SLC12A2: variants seen among roughly 807,000 people sequenced by gnomAD.
SLC12A2 encodes the protein solute carrier family 12 member 2.
Under a neutral mutation model 136.3 loss-of-function variants are expected in SLC12A2, and 67 were observed. The ratio of observed to expected loss-of-function variants is 0.49; its 90% confidence interval spans 0.40 to 0.60. The LOEUF is 0.60. Ranked by LOEUF, SLC12A2 falls within the 20% of genes least tolerant of loss-of-function variation. The probability of loss-of-function intolerance (pLI) is 0.00; values close to 1 mark genes in which losing one functional copy is unlikely to be tolerated. For missense variants in SLC12A2, 1,322 were observed against 1,534.7 expected, an observed-to-expected ratio of 0.86 and a Z score of 2.32; for synonymous variants, 619 against 562.9, an observed-to-expected ratio of 1.10 and a Z score of -1.41.
chr5:128,085,135 A>G (rs1360191140), intron 1 of SLC12A2, among the ~76,000 whole-genome samples: 6 of 151,838 alleles, frequency 4.0e-5, no homozygotes, highest in African/African-American at 1.5e-4. Flanking sequence ...TGGCTTATGT[A>G]CGCCTATTAG....
chr5:128,086,350 A>G (rs1231328829), intron 1 of SLC12A2, among the ~76,000 whole-genome samples: 1 of 152,214 alleles, frequency 6.6e-6, no homozygotes, highest in Non-Finnish European at 1.5e-5. Context: ...TATCTAAAAA[A>G]CAACACCTGT....
chr5:128,098,233 A>G (rs1028572079), intron 1 of SLC12A2, among the ~76,000 whole-genome samples: 6 of 152,068 alleles, frequency 3.9e-5, no homozygotes, highest in African/African-American at 1.4e-4. Flanking sequence ...TCTGCTATTA[A>G]GTCCACCTAG....
chr5:128,128,559 T>C (rs147407536), intron 4 of SLC12A2, among the ~76,000 whole-genome samples: 1 of 152,142 alleles, frequency 6.6e-6, no homozygotes, highest in South Asian at 2.1e-4. Flanking sequence ...TCATACATAC[T>C]GTATTGGTAA....
chr5:128,150,399 A>G (rs540199369), intron 13 of SLC12A2, among the ~76,000 whole-genome samples: 10 of 151,800 alleles, frequency 6.6e-5, no homozygotes, highest in Non-Finnish European at 1.2e-4. Flanking sequence ...TTTTAGTTCT[A>G]AGAACATCAT....
rs544474530 is a variant in SLC12A2, at chr5:128,152,889, A to G, written c.2363+84A>G. ...ATTTTTCATTGACATTTTCATGTAC[A>G]TTTCACATTTTTAATCGGTCTTGGG... On this transcript the variant is annotated intron_variant, in intron 15 of 26. Coordinates refer to ENST00000262461, the MANE Select transcript of SLC12A2 (RefSeq NM_001046.3). 4.0e-5 allele frequency: 34 copies of G among 859,776 alleles called. No homozygotes were observed. The African/African-American group carries it at 4.6e-4, about 12-fold the overall frequency. 53.3% of individuals were successfully genotyped at this position (859,776 alleles called of 1,614,324 possible).
intron 13 of SLC12A2, among the ~76,000 whole-genome samples, chr5:128,150,538 C>T (rs959671619): frequency 1.7e-4 from 26 of 151,678 alleles, no homozygotes; most frequent in African/African-American, 6.3e-4. Context: ...ATTTGAAAGT[C>T]TGAGAACAGG....
intron 5 of SLC12A2, among the ~76,000 whole-genome samples, chr5:128,133,300 T>C (rs1329199632): frequency 2.0e-5 from 3 of 152,134 alleles, no homozygotes; most frequent in African/African-American, 7.2e-5. Flanking sequence ...ATGCCTTCAG[T>C]TGACAAAAGC....
intron 1 of SLC12A2, chr5:128,109,596 TA>T: frequency 2.7e-6 from 2 of 735,772 alleles, no homozygotes; most frequent in Admixed American, 1.8e-5. Flanking sequence ...GGACCCAGGT[TA>T]AAAGCAGACA....
chr5:128,186,586 C>T lies in SLC12A2; in HGVS notation c.3594C>T (p.Leu1198=), dbSNP rs998178899. ...TATCTAAGGACCTACCACCAATCCT[C>T]CTAGTTCGTGGGAATCATCAGAGTG... ...EALSKDLPPI[L]LVRGNHQSVL... is the part of the protein sequence containing the mutation. The change falls in exon 27 of 27, where the codon CTC becomes CTT. Residue 1198 remains leucine (L), a synonymous_variant. Coordinates refer to ENST00000262461, the MANE Select transcript of SLC12A2 (RefSeq NM_001046.3). 1.2e-6 allele frequency: 2 copies of T among 1,613,878 alleles called. No homozygotes were observed. Among genetic ancestry groups the T allele is most frequent in the Non-Finnish European group, 1.7e-6 (2 of 1,179,932 alleles).
rs140676093 is a variant in SLC12A2, at chr5:128,125,940, T to C, written c.1049-5127T>C. Among the ~76,000 whole-genome samples, 875 of 152,284 alleles carry C rather than the reference T, an allele frequency of 5.7e-3. 17 individuals carry two copies. Among genetic ancestry groups the C allele is most frequent in the African/African-American group, 0.018 (750 of 41,558 alleles). ...TTTTGAAACAGCTATCTGTTTCTTA[T>C]TGAGTTGTTTTTGATACCATTGTTG... On this transcript the variant is annotated intron_variant, in intron 4 of 26. Coordinates refer to ENST00000262461, the MANE Select transcript of SLC12A2 (RefSeq NM_001046.3).
intron 1 of SLC12A2, among the ~76,000 whole-genome samples, chr5:128,105,990 T>C (rs2126659997): frequency 6.6e-6 from 1 of 152,278 alleles, no homozygotes; most frequent in Non-Finnish European, 1.5e-5. Context: ...TCCTTTTTGA[T>C]TACTGAGGGC....
At chr5:128,141,753 AAT>A (rs1474154439) in intron 9 of SLC12A2, 75 bp from the exon 10 acceptor site, 4 of 1,217,462 alleles carry the variant, frequency 3.3e-6, no homozygotes, top group Non-Finnish European at 4.5e-6. Context: ...TTTCTTTATA[AAT>A]ATATATATGT....
intron 20 of SLC12A2, among the ~76,000 whole-genome samples, chr5:128,176,257 G>A (rs753224932): frequency 1.3e-4 from 19 of 151,868 alleles, no homozygotes; most frequent in African/African-American, 3.4e-4. Flanking sequence ...TACCTCTTTC[G>A]ACAAATGAGA....
chr5:128,175,319 T>C (rs1763504275), intron 20 of SLC12A2, among the ~76,000 whole-genome samples: 1 of 152,108 alleles, frequency 6.6e-6, no homozygotes, highest in East Asian at 1.9e-4. Context: ...TTTATTTCTT[T>C]CCTTCTCATT....
intron 1 of SLC12A2, among the ~76,000 whole-genome samples, chr5:128,108,860 G>A (rs1418945015): frequency 1.3e-5 from 2 of 152,136 alleles, no homozygotes; most frequent in African/African-American, 4.8e-5. Context: ...TTTTTATGGG[G>A]TTGGTTAGTT....
chr5:128,148,890 A>T lies in SLC12A2; in HGVS notation c.2005+13A>T. 1 of 1,580,824 alleles carries T rather than the reference A, an allele frequency of 6.3e-7. No homozygotes were observed. On this transcript the variant is annotated intron_variant, in intron 12 of 26. Transcript: ENST00000262461. ...TTCATCTTAATTGGTTAGTTATATA[A>T]ATGGTGTGTTATTGTAGATTTTTGG...
At chr5:128,162,731 A>T (rs1763079811) in intron 17 of SLC12A2, among the ~76,000 whole-genome samples, 2 of 152,186 alleles carry the variant, frequency 1.3e-5, no homozygotes, top group Admixed American at 1.3e-4. Flanking sequence ...AACAGAGAGG[A>T]AAACTAAATG....
intron 16 of SLC12A2, among the ~76,000 whole-genome samples, chr5:128,161,117 G>A (rs903829895): frequency 1.3e-5 from 2 of 152,050 alleles, no homozygotes; most frequent in African/African-American, 4.8e-5. Context: ...CACATTTTGT[G>A]TATTGCTTGC....
intron 1 of SLC12A2, among the ~76,000 whole-genome samples, chr5:128,087,043 G>GA (rs936440836): frequency 6.6e-6 from 1 of 152,190 alleles, no homozygotes; most frequent in African/African-American, 2.4e-5. Flanking sequence ...AAGAAGAAAA[G>GA]AAGTAAAATA....
Sources: gnomAD v4.1 joint callset for allele counts (sites outside exome capture counted in the v4.1 genomes callset) on GRCh38, gnomAD v4.1.1 for gene constraint, MANE v1.5 for transcripts, NCBI Gene and HGNC (gene_info 2026-07-23, HGNC 2026-07-21) for gene names.